RRBP1: variants seen among roughly 807,000 people sequenced by gnomAD.
The protein encoded by RRBP1 is ribosome binding protein 1.
RRBP1 carries 94 observed loss-of-function variants against 165.2 expected under a neutral mutation model. That is an observed-to-expected ratio of 0.57 (90% confidence interval 0.48 to 0.68). The LOEUF is 0.68. Among genes scored for constraint, RRBP1 ranks in the 30% least tolerant of loss-of-function variants. The probability of loss-of-function intolerance (pLI) is 0.00; values close to 1 mark genes in which losing one functional copy is unlikely to be tolerated. For missense variants in RRBP1, 1,676 were observed against 1,763.0 expected, an observed-to-expected ratio of 0.95 and a Z score of 0.88; for synonymous variants, 680 against 714.5, an observed-to-expected ratio of 0.95 and a Z score of 0.77.
chr20:17,653,698 G>A (rs1249590211), intron 3 of RRBP1, among the ~76,000 whole-genome samples: 1 of 152,152 alleles, frequency 6.6e-6, no homozygotes, highest in Non-Finnish European at 1.5e-5. Context: ...GCTGGGCGTG[G>A]TGGTGGGTGC....
chr20:17,671,523 C>G (rs1476598101), intron 2 of RRBP1, among the ~76,000 whole-genome samples: 1 of 152,156 alleles, frequency 6.6e-6, no homozygotes, highest in African/African-American at 2.4e-5. Flanking sequence ...GTCATGGGAT[C>G]CACATGAGGG....
chr20:17,629,808 T>TGCC lies in RRBP1; in HGVS notation c.2749+12_2749+14dup. On this transcript the variant is annotated intron_variant, in intron 9 of 24. Coordinates refer to ENST00000377813, the MANE Select transcript of RRBP1 (RefSeq NM_001365613.2). ...CCCTGCACTGAACCCCCGGCCCCACTGCCGCCGCCCTTACCGGCCATCTGC... is the reference window on the plus strand; with the variant it reads ...CCCTGCACTGAACCCCCGGCCCCACTGCCGCCGCCGCCCTTACCGGCCATCTGC... The TGCC allele has an allele frequency of 6.3e-7, 1 of 1,591,722 alleles. No individual in the cohort carries two copies. The highest frequency in any genetic ancestry group is 8.5e-7 in the Non-Finnish European group (1 of 1,175,380).
intron 11 of RRBP1, among the ~76,000 whole-genome samples, 188 bp downstream of exon 11, chr20:17,627,160 C>T (rs754863157): frequency 1.4e-4 from 21 of 145,038 alleles, no homozygotes; most frequent in Admixed American, 2.9e-4. Flanking sequence ...TCTGCAAGGC[C>T]GCCTTCTTTC....
chr20:17,668,599 A>G (rs1001022269), intron 2 of RRBP1, among the ~76,000 whole-genome samples: 1 of 152,204 alleles, frequency 6.6e-6, no homozygotes, highest in Non-Finnish European at 1.5e-5. Flanking sequence ...GACAAAACAG[A>G]TAAATTCTTA....
chr20:17,637,968 C>T (rs747338423), intron 5 of RRBP1, among the ~76,000 whole-genome samples: 9 of 152,188 alleles, frequency 5.9e-5, no homozygotes, highest in Non-Finnish European at 2.9e-5. Flanking sequence ...TTGGAGAGGA[C>T]ACACTTGTCC....
chr20:17,629,040 C>T (rs1339297016), intron 9 of RRBP1, among the ~76,000 whole-genome samples: 3 of 152,362 alleles, frequency 2.0e-5, no homozygotes, highest in Non-Finnish European at 4.4e-5. Context: ...CAGAGCTGAG[C>T]AGTTGTGACA....
chr20:17,665,108 A>G (rs558980135), intron 2 of RRBP1, among the ~76,000 whole-genome samples: 4 of 148,192 alleles, frequency 2.7e-5, no homozygotes, highest in Non-Finnish European at 4.4e-5. Flanking sequence ...ATACATATAT[A>G]TGTGGGGGGG....
At chr20:17,624,106 CAG>C (rs1270427027) in intron 13 of RRBP1, among the ~76,000 whole-genome samples, 1 of 152,200 alleles carries the variant, frequency 6.6e-6, no homozygotes, top group Non-Finnish European at 1.5e-5. Flanking sequence ...TACCCTCAGC[CAG>C]AGAGACCAGC....
chr20:17,633,702 TGTAA>T, intron 7 of RRBP1, 89 bp from the exon 8 acceptor site: 3 of 1,375,326 alleles, frequency 2.2e-6, no homozygotes, highest in East Asian at 2.3e-5. Flanking sequence ...CCAGCTCTCT[TGTAA>T]GTAAGCAGTT....
chr20:17,622,650 AAAGAT>A (rs2035937358), intron 13 of RRBP1, among the ~76,000 whole-genome samples: 1 of 152,082 alleles, frequency 6.6e-6, no homozygotes, highest in Non-Finnish European at 1.5e-5. Flanking sequence ...AAAGCACAAC[AAAGAT>A]AAGGAAACAA....
intron 5 of RRBP1, among the ~76,000 whole-genome samples, chr20:17,639,666 G>C (rs1482240151): frequency 6.6e-6 from 1 of 152,148 alleles, no homozygotes; most frequent in Non-Finnish European, 1.5e-5. Flanking sequence ...GGCCGAGGTG[G>C]GCGGATCACC....
At position 17,621,935 on chromosome 20, in the gene RRBP1, T is replaced by C; in HGVS notation, c.3160A>G (p.Lys1054Glu). Residue 1054 changes from lysine to glutamate, a missense_variant, in exon 14 of 25, where the codon AAG becomes GAG. By Grantham distance (56) the Lys-to-Glu change is moderately conservative. Transcript: ENST00000377813. ...TGCGCCTCAATCAGACAGAGCTGCT[T>C]CTCCGATTCCTCCTGGGGGGTGGGT... ...SLTQAKEESE[K>E]QLCLIEAQTM... 1.2e-6 allele frequency: 2 copies of C among 1,610,766 alleles called. No homozygotes were observed. The highest frequency in any genetic ancestry group is 1.7e-6 in the Non-Finnish European group (2 of 1,177,606).
chr20:17,623,340 G>C (rs573072823), intron 13 of RRBP1: 1 of 152,404 alleles, frequency 6.6e-6, no homozygotes, highest in East Asian at 1.9e-4. Flanking sequence ...TCCTGCCATT[G>C]GGGCAGATAT....
intron 5 of RRBP1, among the ~76,000 whole-genome samples, chr20:17,638,457 C>G (rs1252420961): frequency 1.3e-5 from 2 of 152,144 alleles, no homozygotes; most frequent in African/African-American, 2.4e-5. Context: ...CAAGGTCCAC[C>G]CCGCTCAGGG....
In RRBP1 at chr20:17,659,107, G is replaced by A. The variant is rs2036703220; in HGVS notation, c.1401C>T (p.Asn467=). The A allele has an allele frequency of 6.5e-7, 1 of 1,540,710 alleles. No homozygotes were observed. Among genetic ancestry groups the A allele is most frequent in the Non-Finnish European group, 8.8e-7 (1 of 1,142,676 alleles). ...NQGKKAEGAQ[N]QGKKVEGAQN... The stretch of plus-strand genomic sequence containing the variant: ...GGGCCCCTTCTACTTTTTTGCCCTG[G>A]TTCTGAGCACCCTCGGCCTTCTTGC... Residue 467 remains asparagine, a synonymous_variant, in exon 3 of 25, where the codon AAC becomes AAT. Coordinates refer to ENST00000377813, the MANE Select transcript of RRBP1 (RefSeq NM_001365613.2).
At chr20:17,679,202 C>T (rs1044873013) in intron 2 of RRBP1, among the ~76,000 whole-genome samples, 17 of 152,346 alleles carry the variant, frequency 1.1e-4, no homozygotes, top group Admixed American at 4.6e-4. Flanking sequence ...AAATGTAAAC[C>T]ACAGTTGTGG....
Position 17,646,860 on chromosome 20 carries a change from TAGA to T in RRBP1, c.1913-3736_1913-3734del, listed in dbSNP as rs528454832. Among the ~76,000 whole-genome samples, 346 of 152,232 alleles carry T rather than the reference TAGA, an allele frequency of 2.3e-3. 1 individual carries two copies. Among genetic ancestry groups the T allele is most frequent in the Non-Finnish European group, 4.0e-3 (275 of 68,002 alleles). On this transcript the variant is annotated intron_variant, in intron 3 of 24. Coordinates refer to ENST00000377813, the MANE Select transcript of RRBP1 (RefSeq NM_001365613.2). ...ATCCCCCATGGCCAGGGCTCAGGCATAGAAGGAGGATCTCAGCCCTAAGTGGCC... is the reference window on the plus strand; with the variant it reads ...ATCCCCCATGGCCAGGGCTCAGGCATAGGAGGATCTCAGCCCTAAGTGGCC...
At chr20:17,677,204 T>C (rs1253463283) in intron 2 of RRBP1, among the ~76,000 whole-genome samples, 1 of 152,186 alleles carries the variant, frequency 6.6e-6, no homozygotes. Context: ...CAAGACAGCC[T>C]AACAGACCTT....
chr20:17,641,144 C>T (rs563984007), intron 5 of RRBP1, among the ~76,000 whole-genome samples: 16 of 152,330 alleles, frequency 1.1e-4, no homozygotes, highest in African/African-American at 2.2e-4. Flanking sequence ...GGAAAGACCC[C>T]GGTGAATTCT....
Sources: gnomAD v4.1 joint callset for allele counts (sites outside exome capture counted in the v4.1 genomes callset) on GRCh38, gnomAD v4.1.1 for gene constraint, MANE v1.5 for transcripts, NCBI Gene and HGNC (gene_info 2026-07-23, HGNC 2026-07-21) for gene names.